Variants in SRBD1 observed in about 807,000 individuals in gnomAD.
SRBD1 encodes the protein S1 RNA binding domain 1, also known as S1 RNA-binding domain-containing protein 1.
Under a neutral mutation model 115.3 loss-of-function variants are expected in SRBD1, and 88 were observed. The observed-to-expected ratio is 0.76, with a 90% CI of 0.64 to 0.91. The LOEUF (loss-of-function observed/expected upper bound fraction) is 0.91, where lower values mean the gene tolerates loss of function less well. Among genes scored for constraint, SRBD1 ranks in the 40% least tolerant of loss-of-function variants. SRBD1 has a pLI of 0.00. For synonymous variants in SRBD1, 509 were observed against 407.7 expected (o/e 1.25, Z -2.99); for missense variants, 1,385 against 1,177.4 (o/e 1.18, Z -2.58).
At chr2:45,526,313 A>C (rs1671439868) in intron 14 of SRBD1, among the ~76,000 whole-genome samples, 1 of 152,076 alleles carries the variant, frequency 6.6e-6, no homozygotes, top group African/African-American at 2.4e-5. Flanking sequence ...ACATGAATGA[A>C]CCTCGAAAAC....
chr2:45,455,090 A>G (rs901636511), intron 16 of SRBD1, among the ~76,000 whole-genome samples: 9 of 152,032 alleles, frequency 5.9e-5, no homozygotes, highest in Non-Finnish European at 1.2e-4. Context: ...AGTTTGCTAT[A>G]AAATGTTTTT....
chr2:45,601,931 G>A lies in SRBD1; in HGVS notation c.233C>T (p.Ser78Leu). The A allele has an allele frequency of 1.9e-6, 3 of 1,614,146 alleles. No individual in the cohort carries two copies. The highest frequency in any genetic ancestry group is 2.5e-6 in the Non-Finnish European group (3 of 1,180,004). The part of the protein sequence containing the change: ...KKNAPQISDG[S>L]EVVVVKEELN... ...CTCCTCCTTAACAACAACGACTTCT[G>A]AGCCATCACTGATCTGTGGGGCATT... The change falls in exon 3 of 21, where the codon TCA becomes TTA. Residue 78 changes from serine (S) to leucine (L), a missense_variant. By Grantham distance (145) the Ser-to-Leu change is moderately radical. Transcript: ENST00000263736.
At chr2:45,567,332 G>A (rs75491255) in intron 9 of SRBD1, among the ~76,000 whole-genome samples, 9,865 of 152,152 alleles carry the variant, frequency 0.065, 506 homozygotes, top group African/African-American at 0.14. Context: ...TGTTTCGGCT[G>A]GGTATGGGGG....
chr2:45,566,452 G>A (rs544220020), intron 9 of SRBD1, among the ~76,000 whole-genome samples: 25 of 152,246 alleles, frequency 1.6e-4, no homozygotes, highest in South Asian at 4.1e-4. Context: ...AGAAACCAGC[G>A]GCAAAAGTCT....
intron 4 of SRBD1, among the ~76,000 whole-genome samples, chr2:45,598,479 T>G (rs1349777669): frequency 6.6e-6 from 1 of 151,774 alleles, no homozygotes; most frequent in African/African-American, 2.4e-5. Flanking sequence ...CCGGGCGTGG[T>G]GGCAGGTGCC....
At chr2:45,507,526 C>T (rs1220451124) in intron 14 of SRBD1, among the ~76,000 whole-genome samples, 1 of 151,832 alleles carries the variant, frequency 6.6e-6, no homozygotes, top group African/African-American at 2.4e-5. Context: ...TCAAGACCAG[C>T]CTGGCCAACA....
chr2:45,391,435 G>A (rs909044007), intron 20 of SRBD1, among the ~76,000 whole-genome samples: 3 of 152,140 alleles, frequency 2.0e-5, no homozygotes, highest in African/African-American at 7.2e-5. Flanking sequence ...TGAGAAAATG[G>A]AGAAAAGAGA....
intron 14 of SRBD1, among the ~76,000 whole-genome samples, chr2:45,495,321 G>A (rs139031413): frequency 2.9e-4 from 44 of 152,132 alleles, no homozygotes; most frequent in African/African-American, 9.7e-4. Flanking sequence ...TGCCATCATG[G>A]GGAAAAGCAA....
At chr2:45,428,919 C>G (rs920592889) in intron 16 of SRBD1, among the ~76,000 whole-genome samples, 3 of 151,852 alleles carry the variant, frequency 2.0e-5, no homozygotes, top group African/African-American at 7.3e-5. Context: ...TAAAGAAGAA[C>G]AGAGAGAAGA....
chr2:45,566,484 T>C (rs1467654911), intron 9 of SRBD1, among the ~76,000 whole-genome samples: 1 of 152,224 alleles, frequency 6.6e-6, no homozygotes, highest in African/African-American at 2.4e-5. Context: ...GATTCCTTTA[T>C]ATGAAATGAC....
At chr2:45,531,102 T>C (rs1382954104) in intron 14 of SRBD1, among the ~76,000 whole-genome samples, 3 of 151,866 alleles carry the variant, frequency 2.0e-5, no homozygotes, top group Non-Finnish European at 2.9e-5. Flanking sequence ...CATTCTATAC[T>C]GATGGTTACA....
chr2:45,475,617 C>T (rs1303107687), intron 16 of SRBD1, among the ~76,000 whole-genome samples: 8 of 152,202 alleles, frequency 5.3e-5, no homozygotes, highest in African/African-American at 1.7e-4. Flanking sequence ...ATTCCACTAT[C>T]TTGCCAAGAT....
At chr2:45,448,575 G>A (rs1668898659) in intron 16 of SRBD1, among the ~76,000 whole-genome samples, 1 of 152,066 alleles carries the variant, frequency 6.6e-6, no homozygotes, top group African/African-American at 2.4e-5. Context: ...CAAGGCTTAG[G>A]GTAAACTGGA....
At chr2:45,474,993 T>C (rs1378496064) in intron 16 of SRBD1, among the ~76,000 whole-genome samples, 1 of 152,214 alleles carries the variant, frequency 6.6e-6, no homozygotes, top group Non-Finnish European at 1.5e-5. Context: ...TTAGTTTCAT[T>C]ATTTGCTGAA....
intron 16 of SRBD1, among the ~76,000 whole-genome samples, chr2:45,423,023 T>C (rs561558563): frequency 3.9e-5 from 6 of 152,326 alleles, no homozygotes; most frequent in African/African-American, 1.2e-4. Flanking sequence ...CTGACTTGAC[T>C]TGAGCCACAT....
chr2:45,502,331 G>A (rs900339216), intron 14 of SRBD1, among the ~76,000 whole-genome samples: 14 of 152,180 alleles, frequency 9.2e-5, no homozygotes, highest in Admixed American at 2.6e-4. Context: ...CCATTACTGG[G>A]TAGATACCCA....
At chr2:45,502,048 C>G (rs1158143888) in intron 14 of SRBD1, among the ~76,000 whole-genome samples, 1 of 152,202 alleles carries the variant, frequency 6.6e-6, no homozygotes, top group Non-Finnish European at 1.5e-5. Flanking sequence ...CCAGTAGGGG[C>G]AGACTGACAC....
intron 17 of SRBD1, among the ~76,000 whole-genome samples, 166 bp downstream of exon 17, chr2:45,419,622 T>C (rs142246413): frequency 2.0e-5 from 3 of 152,254 alleles, no homozygotes; most frequent in Admixed American, 2.0e-4. Flanking sequence ...TATAATTCTT[T>C]TCTTAAATGA....
chr2:45,579,070 C>T (rs1164513968), intron 7 of SRBD1, among the ~76,000 whole-genome samples: 1 of 152,164 alleles, frequency 6.6e-6, no homozygotes, highest in Admixed American at 6.5e-5. Context: ...TCAATCCTAA[C>T]AGCGAATTCC....
Sources: gnomAD v4.1 joint callset for allele counts (sites outside exome capture counted in the v4.1 genomes callset) on GRCh38, gnomAD v4.1.1 for gene constraint, MANE v1.5 for transcripts, NCBI Gene and HGNC (gene_info 2026-07-23, HGNC 2026-07-21) for gene names.